The following FUT9 variants were observed in gnomAD, a reference collection of about 807,000 sequenced individuals.
The protein encoded by FUT9 is 4-galactosyl-N-acetylglucosaminide 3-alpha-L-fucosyltransferase 9.
Under a neutral mutation model 29.7 loss-of-function variants are expected in FUT9, and 15 were observed. The ratio of observed to expected loss-of-function variants is 0.51; its 90% CI spans 0.34 to 0.78. The LOEUF (loss-of-function observed/expected upper bound fraction) is 0.78. FUT9 is among the 30% of genes least tolerant of loss of function. The probability of loss-of-function intolerance (pLI) is 0.01; values close to 1 mark genes in which losing one functional copy is unlikely to be tolerated. For missense variants in FUT9, 319 were observed against 425.4 expected (o/e 0.75, Z 2.20); for synonymous variants, 169 against 153.7 (o/e 1.10, Z -0.74).
chr6:96,064,963 C>T (rs1382470710), intron 1 of FUT9, among the ~76,000 whole-genome samples: 1 of 152,130 alleles, frequency 6.6e-6, no homozygotes, highest in Admixed American at 6.5e-5. Context: ...TAGATTGCTA[C>T]AACACAATAC....
At chr6:96,114,393 C>A (rs974915941) in intron 2 of FUT9, among the ~76,000 whole-genome samples, 2 of 151,662 alleles carry the variant, frequency 1.3e-5, no homozygotes, top group Non-Finnish European at 2.9e-5. Context: ...TAAAATAAAT[C>A]TTACAGTTAA....
chr6:96,027,901 C>T (rs1351945859), intron 1 of FUT9, among the ~76,000 whole-genome samples: 1 of 151,488 alleles, frequency 6.6e-6, no homozygotes, highest in Non-Finnish European at 1.5e-5. Flanking sequence ...CATAAAAAAA[C>T]AGGTTTTTGT....
intron 2 of FUT9, among the ~76,000 whole-genome samples, chr6:96,168,280 C>A (rs1773050550): frequency 6.6e-6 from 1 of 152,138 alleles, no homozygotes; most frequent in Non-Finnish European, 1.5e-5. Context: ...GAGTGATCTG[C>A]TCTGGAGATA....
intron 2 of FUT9, among the ~76,000 whole-genome samples, chr6:96,123,119 G>T (rs1772063371): frequency 7.0e-6 from 1 of 142,222 alleles, no homozygotes; most frequent in African/African-American, 2.6e-5. Flanking sequence ...TAGAGCTATT[G>T]TGAGGATTAA....
intron 1 of FUT9, among the ~76,000 whole-genome samples, chr6:96,108,449 G>A (rs767268342): frequency 2.0e-5 from 3 of 152,068 alleles, no homozygotes; most frequent in Non-Finnish European, 4.4e-5. Flanking sequence ...TCATAAGCTC[G>A]TTGACAGGAC....
intron 2 of FUT9, among the ~76,000 whole-genome samples, chr6:96,167,892 A>C (rs575945507): frequency 7.9e-5 from 12 of 152,168 alleles, no homozygotes; most frequent in African/African-American, 2.9e-4. Context: ...ACGAGTGGCC[A>C]GGGAACTGGG....
At chr6:96,160,002 A>G (rs929708311) in intron 2 of FUT9, among the ~76,000 whole-genome samples, 1 of 152,178 alleles carries the variant, frequency 6.6e-6, no homozygotes, top group African/African-American at 2.4e-5. Context: ...ACGAAACAAG[A>G]AATTAATTAG....
intron 2 of FUT9, among the ~76,000 whole-genome samples, chr6:96,125,581 T>C (rs1472723767): frequency 6.6e-6 from 1 of 152,226 alleles, no homozygotes; most frequent in Non-Finnish European, 1.5e-5. Flanking sequence ...CTAATGTTTA[T>C]GTGAGGAAAC....
chr6:96,116,309 T>C (rs1004170942), intron 2 of FUT9, among the ~76,000 whole-genome samples: 1 of 152,206 alleles, frequency 6.6e-6, no homozygotes, highest in African/African-American at 2.4e-5. Flanking sequence ...CCACAGAGAC[T>C]GTCATTCATT....
intron 2 of FUT9, among the ~76,000 whole-genome samples, chr6:96,182,408 A>G (rs1329476809): frequency 2.6e-5 from 4 of 151,894 alleles, no homozygotes; most frequent in Admixed American, 2.0e-4. Flanking sequence ...TTTCCCATGC[A>G]AAAGGTCTTT....
At chr6:96,165,229 C>T (rs1279815266) in intron 2 of FUT9, among the ~76,000 whole-genome samples, 1 of 151,846 alleles carries the variant, frequency 6.6e-6, no homozygotes, top group Admixed American at 6.6e-5. Context: ...GTCAGGAGTT[C>T]GAGACCAGCC....
At chr6:96,062,935 C>T (rs1222895812) in intron 1 of FUT9, among the ~76,000 whole-genome samples, 1 of 152,086 alleles carries the variant, frequency 6.6e-6, no homozygotes, top group Non-Finnish European at 1.5e-5. Context: ...AGTAGCTGGC[C>T]TATAATCCAT....
At chr6:96,138,793 C>T (rs1244614536) in intron 2 of FUT9, among the ~76,000 whole-genome samples, 4 of 152,094 alleles carry the variant, frequency 2.6e-5, no homozygotes, top group African/African-American at 7.2e-5. Context: ...ATCCCAAAAG[C>T]TTATCTTTTC....
At chr6:96,140,026 T>A (rs898231110) in intron 2 of FUT9, among the ~76,000 whole-genome samples, 1 of 152,216 alleles carries the variant, frequency 6.6e-6, no homozygotes, top group African/African-American at 2.4e-5. Flanking sequence ...GCTGCAAATT[T>A]TTCAAACTTT....
At chr6:96,060,533 TTC>T (rs1308669813) in intron 1 of FUT9, among the ~76,000 whole-genome samples, 10 of 151,530 alleles carry the variant, frequency 6.6e-5, no homozygotes, top group Admixed American at 1.3e-4. Flanking sequence ...CTTTTTTCTT[TTC>T]TCTCTCTCTT....
In FUT9 at chr6:96,208,946, C is replaced by A. The variant is rs1281604847; in HGVS notation, c.*4711C>A. The A allele has an allele frequency of 1.2e-5, 2 of 166,272 alleles. No homozygotes were observed. The highest frequency in any genetic ancestry group is 2.4e-5 in the African/African-American group (1 of 41,258). The allele number at this position is 166,272 out of a possible 1,614,324, so 10.3% of individuals were successfully genotyped here. On this transcript the variant is annotated 3_prime_UTR_variant, in exon 3 of 3. Transcript: ENST00000302103. ...AATCTAGAGATTTTGTAGCATTTTG[C>A]AAATGGGTATGCTTCACTACTATCC...
At chr6:96,082,109 C>T (rs1771246906) in intron 1 of FUT9, among the ~76,000 whole-genome samples, 2 of 151,664 alleles carry the variant, frequency 1.3e-5, no homozygotes, top group South Asian at 4.2e-4. Context: ...CAGTTCAGGT[C>T]TTGACTTTTT....
At chr6:96,068,331 T>A (rs1030929555) in intron 1 of FUT9, among the ~76,000 whole-genome samples, 1 of 151,956 alleles carries the variant, frequency 6.6e-6, no homozygotes, top group Non-Finnish European at 1.5e-5. Flanking sequence ...AAGGAATGAG[T>A]AGAAGATGGT....
intron 2 of FUT9, among the ~76,000 whole-genome samples, chr6:96,155,682 A>G (rs7748831): frequency 0.16 from 24,009 of 151,484 alleles, 2,131 homozygotes; most frequent in African/African-American, 0.19. Flanking sequence ...AAAAAAAAAA[A>G]AAGGAAAGAA....
Sources: allele counts gnomAD v4.1 joint callset (sites outside exome capture counted in the v4.1 genomes callset), GRCh38; gene constraint gnomAD v4.1.1; transcripts MANE v1.5; gene names NCBI Gene and HGNC (gene_info 2026-07-23, HGNC 2026-07-21).